APTX: variants seen among roughly 807,000 people sequenced by gnomAD.
APTX encodes the protein forkhead-associated domain histidine triad-like protein.
A neutral mutation model predicts 42.3 loss-of-function variants in APTX; 33 were observed. That is an observed-to-expected ratio of 0.78 (90% CI 0.59 to 1.04). The LOEUF is 1.04. Among genes scored for constraint, APTX ranks in the 50% least tolerant of loss-of-function variants. The pLI is 0.00. For synonymous variants in APTX, 130 were observed against 146.7 expected, an observed-to-expected ratio of 0.89 and a Z score of 0.82; for missense variants, 421 against 415.1, an observed-to-expected ratio of 1.01 and a Z score of -0.12.
In APTX at chr9:32,988,112, A is replaced by G; in HGVS notation, c.151T>C (p.Cys51Arg). 6.2e-7 allele frequency: 1 copy of G among 1,614,068 alleles called. No homozygotes were observed. Among genetic ancestry groups the G allele is most frequent in the Non-Finnish European group, 8.5e-7 (1 of 1,179,976 alleles). ...TTTACCTTGACATATCCCTTGTTAC[A>G]CTCTGCTTTCAACTGTACTGAAAGA... Reference protein sequence around the residue: ...SRQQVQLKAECNKGYVKVKQV... With the variant: ...SRQQVQLKAERNKGYVKVKQV... Residue 51 changes from cysteine (C) to arginine (R), a missense_variant, in exon 3 of 8, where the codon TGT becomes CGT. Cys to Arg is a radical substitution (Grantham distance 180). Coordinates refer to ENST00000379817, the MANE Select transcript of APTX (RefSeq NM_001195248.2).
At chr9:33,002,416 C>A (rs112950085), upstream of APTX, among the ~76,000 whole-genome samples, 5 of 152,246 alleles carry the variant, frequency 3.3e-5, no homozygotes, top group African/African-American at 9.6e-5. Flanking sequence ...CAAGAACCAC[C>A]ACCACCACCC....
chr9:33,005,417 T>A (rs910294665), upstream of APTX, among the ~76,000 whole-genome samples: 1 of 152,014 alleles, frequency 6.6e-6, no homozygotes, highest in African/African-American at 2.4e-5. Flanking sequence ...GAGGTGTGGT[T>A]TTATTTTTTT....
intron 1 of APTX, among the ~76,000 whole-genome samples, chr9:32,992,297 G>A (rs1426660142): frequency 6.6e-6 from 1 of 152,214 alleles, no homozygotes; most frequent in Non-Finnish European, 1.5e-5. Flanking sequence ...GACAATGCAA[G>A]GCAAAGTGAG....
chr9:32,988,686 GAAAAAAAAAAA>G (rs201425898), intron 2 of APTX, among the ~76,000 whole-genome samples: 7 of 70,890 alleles, frequency 9.9e-5, no homozygotes, highest in African/African-American at 2.9e-4. Flanking sequence ...ATCTCAGGAG[GAAAAAAAAAAA>G]AAAAAAAAAA....
chr9:33,019,623 T>G lies in APTX; in HGVS notation c.-5+5400A>C, dbSNP rs1587673716. On this transcript the variant is annotated intron_variant, in intron 1 of 6. Transcript: ENST00000436040. ...CCGGGAAAGTAGCAACTGTGGGAAT[T>G]CCCTGCCCTAGGGAGGATGGATGCA... 19 of 388,508 alleles carry G rather than the reference T, an allele frequency of 4.9e-5. No homozygotes were observed. In the East Asian group the frequency reaches 7.3e-4, roughly 15 times the overall value. The allele number at this position is 388,508 out of a possible 1,614,324, so 24.1% of individuals were successfully genotyped here.
At chr9:33,002,667 C>T (rs757606663), upstream of APTX, among the ~76,000 whole-genome samples, 21 of 152,208 alleles carry the variant, frequency 1.4e-4, no homozygotes, top group Admixed American at 6.5e-4. Flanking sequence ...AATCTCTCTT[C>T]CACTGCAAAA....
chr9:33,005,515 C>T (rs12553033), upstream of APTX, among the ~76,000 whole-genome samples: 2 of 152,200 alleles, frequency 1.3e-5, no homozygotes, highest in South Asian at 4.2e-4. Flanking sequence ...CAGCTTACTG[C>T]AGCCTTGACC....
At chr9:33,017,928 G>GCCCCCCCCCCCCCCCCC (rs59841021) in intron 1 of APTX, among the ~76,000 whole-genome samples, 1 of 70,798 alleles carries the variant, frequency 1.4e-5, no homozygotes, top group Non-Finnish European at 2.8e-5. Context: ...AGCAACCAGC[G>GCCCCCCCCCCCCCCCCC]CCCCCCCCCC....
At chr9:32,986,241 C>G (rs568473782) in intron 4 of APTX, 2 of 679,428 alleles carry the variant, frequency 2.9e-6, no homozygotes, top group Non-Finnish European at 5.4e-6. Flanking sequence ...GAGACAAAGT[C>G]TCACTCTGTC....
intron 1 of APTX, chr9:33,019,907 T>C: frequency 1.8e-6 from 1 of 560,860 alleles, no homozygotes; most frequent in South Asian, 2.6e-5. Context: ...ATGGGCAATT[T>C]CCACCTCTAA....
chr9:33,021,024 G>A (rs1164755825), intron 1 of APTX, among the ~76,000 whole-genome samples: 2 of 152,036 alleles, frequency 1.3e-5, no homozygotes, highest in South Asian at 4.1e-4. Flanking sequence ...AGCTACTTGG[G>A]AAGCTGAGGC....
chr9:33,002,064 G>A (rs1190910047), upstream of APTX, among the ~76,000 whole-genome samples: 5 of 152,200 alleles, frequency 3.3e-5, no homozygotes, highest in African/African-American at 1.2e-4. Flanking sequence ...GGAGCGGTAA[G>A]AGGCAGGGAA....
chr9:32,993,962 G>A (rs898570979), intron 1 of APTX, among the ~76,000 whole-genome samples: 11 of 151,398 alleles, frequency 7.3e-5, no homozygotes, highest in Non-Finnish European at 1.5e-4. Flanking sequence ...CAGGCGATCC[G>A]CCCACCTCGG....
At chr9:32,973,730 TCA>T in intron 7 of APTX, 78 bp from the exon 8 acceptor site, 1 of 1,256,052 alleles carries the variant, frequency 8.0e-7, no homozygotes, top group Non-Finnish European at 1.1e-6. Context: ...AAAAAAAAAA[TCA>T]AAAACGTGAC....
rs884546 is a variant in APTX at position 32,987,453 on chromosome 9, G to C, written c.483+91C>G. On this transcript the variant is annotated intron_variant, in intron 4 of 7. Transcript: ENST00000379817. ...TTCATCATGGTTAATAACCCCTCAC[G>C]CATTTCTGAACTTTAAAGTGTACAA... 6 of 1,512,394 alleles carry C rather than the reference G, an allele frequency of 4.0e-6. No individual in the cohort carries two copies. The South Asian group carries it at 5.6e-5, about 14-fold the overall frequency. The allele number at this position is 1,512,394 out of a possible 1,614,324, so 93.7% of individuals were successfully genotyped here.
intron 6 of APTX, 92 bp downstream of exon 6, chr9:32,984,539 C>T (rs1831428745): frequency 7.7e-7 from 1 of 1,296,366 alleles, no homozygotes; most frequent in Non-Finnish European, 1.1e-6. Flanking sequence ...CCCTGGGTCT[C>T]AGTGCAATAT....
At chr9:32,996,166 A>G (rs1834870938) in intron 1 of APTX, among the ~76,000 whole-genome samples, 1 of 152,184 alleles carries the variant, frequency 6.6e-6, no homozygotes, top group East Asian at 1.9e-4. Flanking sequence ...CAAAACATGC[A>G]TATGTTCACT....
rs575031524 is a variant in APTX, at chr9:32,981,060, A to G, written c.770+3571T>C. Among the ~76,000 whole-genome samples, 3 of 152,244 alleles carry G rather than the reference A, an allele frequency of 2.0e-5. No homozygotes were observed. The East Asian group carries it at 5.8e-4, about 29-fold the overall frequency. On this transcript the variant is annotated intron_variant, in intron 6 of 7. Transcript: ENST00000379817. ...CACTAAATGGATTGAGGAAGAAAAT[A>G]TATTAACTATACTATAGTAACCTAG...
chr9:33,010,166 G>T (rs1029724670), intron 1 of APTX, among the ~76,000 whole-genome samples: 1 of 152,168 alleles, frequency 6.6e-6, no homozygotes, highest in Non-Finnish European at 1.5e-5. Flanking sequence ...GGCAATAGTA[G>T]TTCCCAGAAC....
Sources: allele counts gnomAD v4.1 joint callset (sites outside exome capture counted in the v4.1 genomes callset), GRCh38; gene constraint gnomAD v4.1.1; transcripts MANE v1.5; gene names NCBI Gene and HGNC (gene_info 2026-07-23, HGNC 2026-07-21).